Variants in RALGPS2 observed in about 807,000 individuals in gnomAD.
The protein encoded by RALGPS2 is Ral GEF with PH domain and SH3 binding motif 2.
RALGPS2 carries 43 observed loss-of-function variants against 86.8 expected under a neutral mutation model. The ratio of observed to expected loss-of-function variants is 0.50; its 90% CI spans 0.39 to 0.64. The LOEUF (loss-of-function observed/expected upper bound fraction) is 0.64. Ranked by LOEUF, RALGPS2 falls within the 30% of genes least tolerant of loss-of-function variation. The probability of loss-of-function intolerance (pLI) is 0.00; values close to 1 mark genes in which losing one functional copy is unlikely to be tolerated. For missense variants in RALGPS2, 536 were observed against 694.6 expected (o/e 0.77, Z 2.57); for synonymous variants, 243 against 231.3 (o/e 1.05, Z -0.46).
intron 16 of RALGPS2, 73 bp from the exon 17 acceptor site, chr1:178,897,591 G>T: frequency 1.6e-6 from 2 of 1,227,444 alleles, no homozygotes; most frequent in Non-Finnish European, 2.4e-6. Flanking sequence ...CTTGATCATT[G>T]GCACTTAGAA....
chr1:178,825,237 C>T (rs1008799227), intron 7 of RALGPS2, among the ~76,000 whole-genome samples: 2 of 151,900 alleles, frequency 1.3e-5, no homozygotes, highest in African/African-American at 2.4e-5. Context: ...TGGGATTTTT[C>T]GAGGCTTTTG....
chr1:178,770,926 C>T (rs547648490), intron 1 of RALGPS2, among the ~76,000 whole-genome samples: 74 of 151,486 alleles, frequency 4.9e-4, no homozygotes, highest in South Asian at 1.7e-3. Context: ...GCAACCTCCC[C>T]GTCGCGGGAT....
intron 1 of RALGPS2, among the ~76,000 whole-genome samples, chr1:178,776,367 C>A (rs952206353): frequency 2.0e-5 from 3 of 152,134 alleles, no homozygotes; most frequent in Admixed American, 2.0e-4. Context: ...TGTGTTTTTA[C>A]ACATTTTATT....
chr1:178,752,535 G>A (rs1300855282), intron 1 of RALGPS2, among the ~76,000 whole-genome samples: 2 of 152,078 alleles, frequency 1.3e-5, no homozygotes, highest in African/African-American at 4.8e-5. Context: ...GAAGCAAAAA[G>A]CAATAGCTGT....
chr1:178,813,234 A>G (rs960022582), intron 6 of RALGPS2, among the ~76,000 whole-genome samples: 12 of 152,112 alleles, frequency 7.9e-5, no homozygotes, highest in Non-Finnish European at 1.8e-4. Context: ...CACCCGGCCA[A>G]TACTGGTTTT....
chr1:178,810,363 G>A (rs1177693878), intron 5 of RALGPS2, among the ~76,000 whole-genome samples: 1 of 151,962 alleles, frequency 6.6e-6, no homozygotes, highest in African/African-American at 2.4e-5. Flanking sequence ...CTCCAGCCTG[G>A]GCAACAGAAC....
chr1:178,886,610 A>G (rs1659494118), intron 13 of RALGPS2, among the ~76,000 whole-genome samples: 1 of 152,184 alleles, frequency 6.6e-6, no homozygotes, highest in Admixed American at 6.5e-5. Flanking sequence ...GCTCGGGGAT[A>G]AGGTCAGATC....
At chr1:178,854,466 C>T (rs1331770194) in intron 8 of RALGPS2, among the ~76,000 whole-genome samples, 23 of 152,084 alleles carry the variant, frequency 1.5e-4, no homozygotes. Flanking sequence ...TGAAATAAAC[C>T]AGATGCCCAA....
At chr1:178,823,323 A>C (rs936742199) in intron 7 of RALGPS2, among the ~76,000 whole-genome samples, 1 of 152,190 alleles carries the variant, frequency 6.6e-6, no homozygotes, top group Non-Finnish European at 1.5e-5. Context: ...TGTGCTATGC[A>C]CTCTGTAATT....
intron 8 of RALGPS2, among the ~76,000 whole-genome samples, chr1:178,833,979 T>C (rs1015311293): frequency 6.6e-6 from 1 of 152,150 alleles, no homozygotes; most frequent in African/African-American, 2.4e-5. Context: ...ATGAAATGAG[T>C]TGATTCACTG....
chr1:178,785,531 A>G (rs779465148), intron 3 of RALGPS2, 26 bp from the exon 4 acceptor site: 16 of 1,566,724 alleles, frequency 1.0e-5, no homozygotes, highest in Non-Finnish European at 1.4e-5. Flanking sequence ...CAAAGAAGAA[A>G]TTGTCATTTT....
At chr1:178,770,503 C>A (rs1001196331) in intron 1 of RALGPS2, among the ~76,000 whole-genome samples, 6 of 148,572 alleles carry the variant, frequency 4.0e-5, no homozygotes, top group African/African-American at 1.2e-4. Flanking sequence ...TTGCATACTT[C>A]ATACTTTTTT....
intron 6 of RALGPS2, among the ~76,000 whole-genome samples, chr1:178,820,463 T>C (rs996945386): frequency 3.9e-5 from 6 of 152,240 alleles, no homozygotes; most frequent in African/African-American, 1.4e-4. Flanking sequence ...GCCTTTGTGC[T>C]TTTTGTAAAT....
chr1:178,740,815 G>A (rs898900225), intron 1 of RALGPS2, among the ~76,000 whole-genome samples: 7 of 152,060 alleles, frequency 4.6e-5, no homozygotes, highest in Non-Finnish European at 8.8e-5. Flanking sequence ...TGTAGGCTTT[G>A]GTGTCAGACA....
chr1:178,863,609 A>C (rs143361329), intron 8 of RALGPS2, among the ~76,000 whole-genome samples: 19 of 152,316 alleles, frequency 1.2e-4, no homozygotes, highest in Non-Finnish European at 2.6e-4. Flanking sequence ...TAATGGTGAA[A>C]TATCCAAATG....
chr1:178,747,985 A>G (rs1462229343), intron 1 of RALGPS2, among the ~76,000 whole-genome samples: 1 of 152,266 alleles, frequency 6.6e-6, no homozygotes, highest in Non-Finnish European at 1.5e-5. Context: ...ACTGTAAAAC[A>G]GTACAACTAC....
chr1:178,882,687 T>C (rs1008579116), intron 10 of RALGPS2, among the ~76,000 whole-genome samples: 1 of 152,220 alleles, frequency 6.6e-6, no homozygotes, highest in Non-Finnish European at 1.5e-5. Flanking sequence ...ACTACTTTAG[T>C]GTCCTGTTTT....
chr1:178,785,892 A>G (rs1204442993), intron 4 of RALGPS2, among the ~76,000 whole-genome samples: 1 of 152,006 alleles, frequency 6.6e-6, no homozygotes. Context: ...TTCCCTGCAA[A>G]CTTAACTTCA....
chr1:178,742,008 C>T (rs141510108), intron 1 of RALGPS2, among the ~76,000 whole-genome samples: 5,476 of 151,772 alleles, frequency 0.036, 126 homozygotes, highest in Non-Finnish European at 0.052. Flanking sequence ...TGGTGACGCA[C>T]GCCTGTAGTC....
Sources: allele counts gnomAD v4.1 joint callset (sites outside exome capture counted in the v4.1 genomes callset), GRCh38; gene constraint gnomAD v4.1.1; transcripts MANE v1.5; gene names NCBI Gene and HGNC (gene_info 2026-07-23, HGNC 2026-07-21).